SCAPER: variants seen among roughly 807,000 people sequenced by gnomAD.
The protein encoded by SCAPER is S phase cyclin A-associated protein in the endoplasmic reticulum.
Under a neutral mutation model 182.2 loss-of-function variants are expected in SCAPER, and 98 were observed. That is an observed-to-expected ratio of 0.54 (90% CI 0.46 to 0.64). SCAPER has a LOEUF of 0.64. Ranked by LOEUF, SCAPER falls within the 30% of genes least tolerant of loss-of-function variation. SCAPER has a pLI of 0.00. For missense variants in SCAPER, 1,432 were observed against 1,690.0 expected, an observed-to-expected ratio of 0.85 and a Z score of 2.68; for synonymous variants, 605 against 564.6, an observed-to-expected ratio of 1.07 and a Z score of -1.01.
At chr15:76,725,976 C>A (rs1285623137) in intron 17 of SCAPER, among the ~76,000 whole-genome samples, 1 of 149,492 alleles carries the variant, frequency 6.7e-6, no homozygotes, top group Non-Finnish European at 1.5e-5. Flanking sequence ...GCAACAAAAA[C>A]AACAACAACA....
chr15:76,608,346 G>A (rs992881884), intron 22 of SCAPER, among the ~76,000 whole-genome samples: 3 of 152,186 alleles, frequency 2.0e-5, no homozygotes, highest in Non-Finnish European at 2.9e-5. Context: ...TTGGTGAACC[G>A]CAAATGCTGC....
At chr15:76,510,888 T>C (rs157791) in intron 23 of SCAPER, among the ~76,000 whole-genome samples, 84,723 of 141,094 alleles carry the variant, frequency 0.6, 23,853 homozygotes, top group Middle Eastern at 0.68. Context: ...TGTGTGTGTG[T>C]GCGCGCGCGC....
intron 17 of SCAPER, among the ~76,000 whole-genome samples, chr15:76,721,838 G>C (rs1471995924): frequency 6.6e-6 from 1 of 152,116 alleles, no homozygotes; most frequent in African/African-American, 2.4e-5. Flanking sequence ...TGAGACGATG[G>C]GGTTTTCTAG....
At chr15:76,660,291 G>A (rs1240500566) in intron 21 of SCAPER, among the ~76,000 whole-genome samples, 1 of 152,174 alleles carries the variant, frequency 6.6e-6, no homozygotes, top group Non-Finnish European at 1.5e-5. Flanking sequence ...TGGTTACTAT[G>A]CTTATTACCT....
At chr15:76,381,254 T>C (rs2042925878) in intron 28 of SCAPER, 124 bp downstream of exon 28, 2 of 636,910 alleles carry the variant, frequency 3.1e-6, no homozygotes, top group East Asian at 2.9e-5. Context: ...ATAATATATA[T>C]TATAATTCCA....
intron 1 of SCAPER, among the ~76,000 whole-genome samples, chr15:76,900,285 C>T (rs2074703541): frequency 6.7e-6 from 1 of 149,322 alleles, no homozygotes; most frequent in South Asian, 2.1e-4. Context: ...CACTATTATC[C>T]TATGACCCTG....
At position 76,466,768 on chromosome 15, in the gene SCAPER, G is replaced by C. The variant is rs151013072; in HGVS notation, c.3078+4444C>G. Among the ~76,000 whole-genome samples, 609 of 149,162 alleles carry C rather than the reference G, an allele frequency of 4.1e-3. 2 individuals carry two copies. The highest frequency in any genetic ancestry group is 0.014 in the African/African-American group (578 of 40,458). ...GTTCTGGGGGCCTCTGAAAACTTTG[G>C]GGGGGATACAACTTCTCTAGGCCAA... On this transcript the variant is annotated intron_variant, in intron 25 of 31. Coordinates refer to ENST00000563290, the MANE Select transcript of SCAPER (RefSeq NM_020843.4).
chr15:76,406,063 T>G (rs2044806267), intron 26 of SCAPER, among the ~76,000 whole-genome samples: 1 of 151,948 alleles, frequency 6.6e-6, no homozygotes, highest in Non-Finnish European at 1.5e-5. Flanking sequence ...CCTCTTCTAG[T>G]AAAGGAAATT....
intron 20 of SCAPER, among the ~76,000 whole-genome samples, chr15:76,694,752 A>G (rs987416897): frequency 6.6e-6 from 1 of 152,164 alleles, no homozygotes; most frequent in Non-Finnish European, 1.5e-5. Flanking sequence ...ATATATGAAG[A>G]TGATACAATC....
chr15:76,510,688 A>T (rs1161449909), intron 23 of SCAPER, among the ~76,000 whole-genome samples: 1 of 152,262 alleles, frequency 6.6e-6, no homozygotes, highest in Non-Finnish European at 1.5e-5. Context: ...TAAAAGTAGA[A>T]GTACCATTTG....
chr15:76,558,965 T>A (rs2046389989), intron 23 of SCAPER, among the ~76,000 whole-genome samples: 1 of 152,096 alleles, frequency 6.6e-6, no homozygotes, highest in Non-Finnish European at 1.5e-5. Context: ...AGAGGCCAGG[T>A]GGAGGTAACT....
chr15:76,461,940 T>C (rs1192867154), intron 25 of SCAPER, among the ~76,000 whole-genome samples: 1 of 152,188 alleles, frequency 6.6e-6, no homozygotes, highest in Non-Finnish European at 1.5e-5. Context: ...AAATCCCAGT[T>C]TTCTTGTCTT....
rs539265518 is a variant in SCAPER at position 76,857,535 on chromosome 15, C to A, written c.195+274G>T. Among the ~76,000 whole-genome samples the A allele has an allele frequency of 3.9e-5, 6 of 152,168 alleles. No homozygotes were observed. The East Asian group carries it at 1.2e-3, about 29-fold the overall frequency. On this transcript the variant is annotated intron_variant, in intron 4 of 31. Transcript: ENST00000563290. Reference sequence around the variant, plus strand: ...CAAGTTACATGCCTTCTCTCTGTCTCAGTTTCTTTTTGGAACAAAACTTCA... The same window carrying A: ...CAAGTTACATGCCTTCTCTCTGTCTAAGTTTCTTTTTGGAACAAAACTTCA...
intron 23 of SCAPER, among the ~76,000 whole-genome samples, chr15:76,573,866 A>G (rs924642399): frequency 2.0e-5 from 3 of 152,130 alleles, no homozygotes; most frequent in African/African-American, 7.2e-5. Flanking sequence ...AAAGTCATAC[A>G]TCTTTATTAT....
chr15:76,893,090 A>C (rs957185672), intron 1 of SCAPER, among the ~76,000 whole-genome samples: 2 of 152,236 alleles, frequency 1.3e-5, no homozygotes, highest in Non-Finnish European at 2.9e-5. Flanking sequence ...CAAACATCGC[A>C]TGTTCTCACT....
intron 23 of SCAPER, among the ~76,000 whole-genome samples, chr15:76,528,897 T>G (rs958898325): frequency 5.2e-4 from 79 of 152,328 alleles, no homozygotes; most frequent in African/African-American, 1.9e-3. Flanking sequence ...AGCACCACAC[T>G]TTCTTCTGTG....
chr15:76,608,825 G>A (rs550891498), intron 22 of SCAPER, among the ~76,000 whole-genome samples: 2 of 152,342 alleles, frequency 1.3e-5, no homozygotes, highest in South Asian at 4.1e-4. Flanking sequence ...CTCTGAGCCA[G>A]GTGAGGGATA....
chr15:76,885,064 G>C (rs894210804), intron 1 of SCAPER, among the ~76,000 whole-genome samples: 1 of 152,180 alleles, frequency 6.6e-6, no homozygotes, highest in Non-Finnish European at 1.5e-5. Context: ...GTTTCTTTAG[G>C]GGGTGATGAA....
Position 76,497,313 on chromosome 15 carries a change from A to G in SCAPER, c.2954+7546T>C, listed in dbSNP as rs192285787. Among the ~76,000 whole-genome samples the G allele has an allele frequency of 6.6e-4, 100 of 152,142 alleles. 1 individual carries two copies. The East Asian group carries it at 0.015, about 23-fold the overall frequency. On this transcript the variant is annotated intron_variant, in intron 24 of 31. Transcript: ENST00000563290. ...TGACTGAGCCAGTTCAACTTTGTGT[A>G]TTGGATTATAAATCCTATCTTGCTG...
Sources: allele counts gnomAD v4.1 joint callset (sites outside exome capture counted in the v4.1 genomes callset), GRCh38; gene constraint gnomAD v4.1.1; transcripts MANE v1.5; gene names NCBI Gene and HGNC (gene_info 2026-07-23, HGNC 2026-07-21).